MMP16: variants seen among roughly 807,000 people sequenced by gnomAD.
The protein encoded by MMP16 is matrix metalloproteinase-16.
In MMP16, 12 loss-of-function variants were observed where a neutral mutation model predicts 67.8. The ratio of observed to expected loss-of-function variants is 0.18; its 90% confidence interval spans 0.11 to 0.29. The LOEUF is 0.29. Ranked by LOEUF, MMP16 falls within the 10% of genes least tolerant of loss-of-function variation. The pLI, the probability that MMP16 is intolerant of heterozygous loss-of-function variation, is 1.00. For missense variants in MMP16, 475 were observed against 765.7 expected (o/e 0.62, Z 4.48); for synonymous variants, 249 against 255.9 (o/e 0.97, Z 0.26).
chr8:88,035,695 A>G lies in MMP16; in HGVS notation c.*5766T>C, dbSNP rs928452851. ...TGTCACGTCCAGTTATAAGCCCATAATTGTGTTTAAAAATTGAAGACTGCT... is the reference window on the plus strand; with the variant it reads ...TGTCACGTCCAGTTATAAGCCCATAGTTGTGTTTAAAAATTGAAGACTGCT... On this transcript the variant is annotated 3_prime_UTR_variant, in exon 10 of 10. Transcript: ENST00000286614. This position sits in a 1 kb window ranked among gnomAD's most constrained non-coding sequence, Gnocchi z 4.7. The G allele has an allele frequency of 2.0e-5, 3 of 151,944 alleles. No individual in the cohort carries two copies. The highest frequency in any genetic ancestry group is 4.8e-5 in the African/African-American group (2 of 41,402). The allele number at this position is 151,944 out of a possible 1,614,324, so 9.4% of individuals were successfully genotyped here. A position where few individuals can be genotyped will look rare whatever the true frequency, so the allele number is the denominator to read the frequency against.
intron 7 of MMP16, among the ~76,000 whole-genome samples, chr8:88,072,885 C>T (rs1026138813): frequency 6.6e-6 from 1 of 152,126 alleles, no homozygotes; most frequent in East Asian, 1.9e-4. Flanking sequence ...CACTGGAGGA[C>T]ATGCCTTTTA....
At chr8:88,316,499 C>T (rs1811376013) in intron 1 of MMP16, among the ~76,000 whole-genome samples, 1 of 152,148 alleles carries the variant, frequency 6.6e-6, no homozygotes, top group Non-Finnish European at 1.5e-5. Flanking sequence ...AATAGAACAA[C>T]AAAGCTTGGA....
At chr8:88,118,191 T>C (rs1809470466) in intron 5 of MMP16, among the ~76,000 whole-genome samples, 1 of 152,076 alleles carries the variant, frequency 6.6e-6, no homozygotes, top group Admixed American at 6.6e-5. Context: ...TAAATCATTA[T>C]ATGACTTTGG....
At chr8:88,289,530 C>A (rs1368156543) in intron 1 of MMP16, among the ~76,000 whole-genome samples, 2 of 152,076 alleles carry the variant, frequency 1.3e-5, no homozygotes, top group African/African-American at 4.8e-5. Flanking sequence ...TACACATACA[C>A]GCACACAAAG....
rs945589423 is a variant in MMP16 at position 88,034,369 on chromosome 8, A to G, written c.*7092T>C. ...TTTGGGTGAGAAACAGAAGGCAAAC[A>G]AATAACGATCTTAGAATTGGAGGAG... On this transcript the variant is annotated 3_prime_UTR_variant, in exon 10 of 10. Coordinates refer to ENST00000286614, the MANE Select transcript of MMP16 (RefSeq NM_005941.5). 3.3e-5 allele frequency: 5 copies of G among 152,452 alleles called. No individual in the cohort carries two copies. The highest frequency in any genetic ancestry group is 7.2e-5 in the African/African-American group (3 of 41,406). 9.4% of individuals were successfully genotyped at this position (152,452 alleles called of 1,614,324 possible).
chr8:88,156,884 A>G (rs1287297358), intron 4 of MMP16, among the ~76,000 whole-genome samples: 1 of 152,164 alleles, frequency 6.6e-6, no homozygotes, highest in Non-Finnish European at 1.5e-5. Flanking sequence ...TAGCTAAATA[A>G]TGGATAATAG....
At chr8:88,083,404 C>T (rs1808785107) in intron 6 of MMP16, among the ~76,000 whole-genome samples, 2 of 151,886 alleles carry the variant, frequency 1.3e-5, no homozygotes, top group Admixed American at 1.3e-4. Flanking sequence ...AAGCCTGGAA[C>T]AATTGCGACA....
intron 1 of MMP16, among the ~76,000 whole-genome samples, chr8:88,245,642 G>T (rs1198911268): frequency 6.6e-6 from 1 of 152,136 alleles, no homozygotes; most frequent in Admixed American, 6.5e-5. Flanking sequence ...AAAATGATAA[G>T]GTCAAGGACC....
intron 4 of MMP16, among the ~76,000 whole-genome samples, chr8:88,122,334 A>G (rs1807853635): frequency 6.6e-6 from 1 of 151,920 alleles, no homozygotes; most frequent in African/African-American, 2.4e-5. Flanking sequence ...TAAAAGAAAA[A>G]TCAAAGTCAT....
intron 3 of MMP16, among the ~76,000 whole-genome samples, chr8:88,177,391 G>T (rs908231640): frequency 2.0e-5 from 3 of 152,144 alleles, no homozygotes; most frequent in African/African-American, 4.8e-5. Context: ...TGCCCCAAAA[G>T]TGGAGAGAGG....
At chr8:88,224,585 C>A (rs1809738662) in intron 1 of MMP16, among the ~76,000 whole-genome samples, 1 of 151,842 alleles carries the variant, frequency 6.6e-6, no homozygotes, top group African/African-American at 2.4e-5. Context: ...TTAGACTAAT[C>A]AGAATAAAAT....
intron 4 of MMP16, among the ~76,000 whole-genome samples, chr8:88,156,331 C>A (rs1024913830): frequency 3.3e-5 from 5 of 152,052 alleles, no homozygotes; most frequent in African/African-American, 9.7e-5. Context: ...GAGGTGGAAT[C>A]TTCCTTATGC....
intron 1 of MMP16, among the ~76,000 whole-genome samples, chr8:88,317,677 A>G (rs945540385): frequency 9.9e-5 from 15 of 152,190 alleles, no homozygotes; most frequent in African/African-American, 3.6e-4. Flanking sequence ...AAAATCAGCT[A>G]GATTTTTACC....
intron 1 of MMP16, among the ~76,000 whole-genome samples, chr8:88,261,582 C>A (rs1238401109): frequency 6.6e-6 from 1 of 151,844 alleles, no homozygotes; most frequent in Non-Finnish European, 1.5e-5. Flanking sequence ...AAACTCCTCC[C>A]CTTCAGACTC....
At chr8:88,295,600 C>G (rs1350505582) in intron 1 of MMP16, among the ~76,000 whole-genome samples, 1 of 148,634 alleles carries the variant, frequency 6.7e-6, no homozygotes, top group Non-Finnish European at 1.5e-5. Flanking sequence ...GTGATGATCT[C>G]AAGTTTCCAG....
At chr8:88,326,058 C>T (rs1205532789) in intron 1 of MMP16, among the ~76,000 whole-genome samples, 1 of 152,170 alleles carries the variant, frequency 6.6e-6, no homozygotes, top group Admixed American at 6.5e-5. Flanking sequence ...AAAAAAATCA[C>T]ATTATTCCTT....
At chr8:88,266,682 G>C (rs1054139826) in intron 1 of MMP16, among the ~76,000 whole-genome samples, 1 of 151,938 alleles carries the variant, frequency 6.6e-6, no homozygotes, top group African/African-American at 2.4e-5. Context: ...TTCTCAAAGA[G>C]ACCATCTTCT....
At chr8:88,127,024 T>G (rs929652272) in intron 4 of MMP16, among the ~76,000 whole-genome samples, 1 of 151,774 alleles carries the variant, frequency 6.6e-6, no homozygotes, top group Non-Finnish European at 1.5e-5. Context: ...GAAAAGAAAT[T>G]GAAACTCCAG....
chr8:88,056,040 A>C lies in MMP16; in HGVS notation c.1373+88T>G, dbSNP rs941375268. 2.8e-6 allele frequency: 3 copies of C among 1,071,934 alleles called. No individual in the cohort carries two copies. In the African/African-American group the frequency reaches 4.9e-5, roughly 17 times the overall value. The allele number at this position is 1,071,934 out of a possible 1,614,324, so 66.4% of individuals were successfully genotyped here. The stretch of plus-strand genomic sequence containing the variant: ...TGTGTTAAATCCACCAGGATTCTTC[A>C]ACAGCTGATGCCTCTGATAGACTAG... On this transcript the variant is annotated intron_variant, in intron 8 of 9. Coordinates refer to ENST00000286614, the MANE Select transcript of MMP16 (RefSeq NM_005941.5).
Sources: gnomAD v4.1 joint callset for allele counts (sites outside exome capture counted in the v4.1 genomes callset) on GRCh38, gnomAD v4.1.1 for gene constraint, Gnocchi (gnomAD v3.1) non-coding constraint, MANE v1.5 for transcripts, NCBI Gene and HGNC (gene_info 2026-07-23, HGNC 2026-07-21) for gene names.